Variants in ELFN1 observed in about 807,000 individuals in gnomAD.
ELFN1 encodes extracellular leucine rich repeat and fibronectin type III domain containing 1.
In ELFN1, 6 loss-of-function variants were observed where a neutral mutation model predicts 7.6. The observed-to-expected ratio is 0.79, with a 90% CI of 0.43 to 1.56. ELFN1 has a LOEUF of 1.56. Among genes scored for constraint, ELFN1 ranks in the 40% most tolerant of loss-of-function variants. The pLI, the probability that ELFN1 is intolerant of heterozygous loss-of-function variation, is 0.01. For synonymous variants in ELFN1, 657 were observed against 588.1 expected (o/e 1.12, Z -1.70); for missense variants, 1,169 against 1,232.2 (o/e 0.95, Z 0.77).
chr7:1,744,254 G>T (rs1583407151), intron 3 of ELFN1, 50 bp from the exon 4 acceptor site: 1 of 120,478 alleles, frequency 8.3e-6, no homozygotes, highest in Non-Finnish European at 1.5e-5. Flanking sequence ...TCCCCTGACC[G>T]CTGTCTTCTC....
rs1779269957 is a variant in ELFN1 at position 1,695,013 on chromosome 7, C to T, written c.-456+6863C>T. Among the ~76,000 whole-genome samples the T allele has an allele frequency of 6.6e-6, 1 of 152,242 alleles. No homozygotes were observed. The highest frequency in any genetic ancestry group is 6.5e-5 in the Admixed American group (1 of 15,286). On this transcript the variant is annotated intron_variant, in intron 2 of 3. Coordinates refer to ENST00000424383, the MANE Select transcript of ELFN1 (RefSeq NM_001128636.4). The surrounding 1 kb of genome is among the most constrained non-coding windows in gnomAD (Gnocchi z 5.1). ...TCCCTGCCCTCCCTGTTGAGTGCTG[C>T]AGAGGGGCGTCGGGCGTCGTGCACA... is the stretch of plus-strand genomic sequence containing the variant.
chr7:1,732,917 T>A (rs964620828), intron 3 of ELFN1, among the ~76,000 whole-genome samples: 1 of 152,128 alleles, frequency 6.6e-6, no homozygotes, highest in Non-Finnish European at 1.5e-5. Flanking sequence ...TTTTTCTTTT[T>A]TGAGACAGAA....
intron 2 of ELFN1, among the ~76,000 whole-genome samples, chr7:1,700,124 T>A (rs1261614949): frequency 2.0e-5 from 3 of 152,236 alleles, no homozygotes; most frequent in Non-Finnish European, 4.4e-5. Context: ...TGGTAGGTTC[T>A]CAGAAGTGGG....
chr7:1,744,262 CTCTCT>C, intron 3 of ELFN1, 37 bp from the exon 4 acceptor site: 1 of 130,212 alleles, frequency 7.7e-6, no homozygotes. Flanking sequence ...CCGCTGTCTT[CTCTCT>C]TGTCCCCTGA....
intron 2 of ELFN1, among the ~76,000 whole-genome samples, chr7:1,690,890 A>G (rs1487918737): frequency 6.6e-6 from 1 of 152,086 alleles, no homozygotes; most frequent in Non-Finnish European, 1.5e-5. Context: ...TGATGAATGG[A>G]TGAATGGATG....
chr7:1,713,206 C>G (rs1395935698), intron 3 of ELFN1, among the ~76,000 whole-genome samples: 1 of 152,250 alleles, frequency 6.6e-6, no homozygotes, highest in Non-Finnish European at 1.5e-5. Flanking sequence ...AGGCTGCAGA[C>G]TCTGTGCTGT....
chr7:1,670,777 G>A lies in ELFN1; in HGVS notation c.-549+423G>A, dbSNP rs1419723462. 1.3e-5 allele frequency among the ~76,000 whole-genome samples: 2 copies of A among 152,120 alleles called. No individual in the cohort carries two copies. The highest frequency in any genetic ancestry group is 2.9e-5 in the Non-Finnish European group (2 of 68,026). Reference sequence around the variant, plus strand: ...GGGGCTGTCCTCACCTCCTGGCCGAGTCGCTGACCCCTCCCCAGGCTCGCA... The same window carrying A: ...GGGGCTGTCCTCACCTCCTGGCCGAATCGCTGACCCCTCCCCAGGCTCGCA... On this transcript the variant is annotated intron_variant, in intron 1 of 3. Coordinates refer to ENST00000424383, the MANE Select transcript of ELFN1 (RefSeq NM_001128636.4). This position sits in a 1 kb window ranked among gnomAD's most constrained non-coding sequence, Gnocchi z 6.4.
At chr7:1,690,708 A>G (rs1169262202) in intron 2 of ELFN1, among the ~76,000 whole-genome samples, 3 of 137,618 alleles carry the variant, frequency 2.2e-5, no homozygotes, top group East Asian at 2.4e-4. Context: ...ATGGATGATG[A>G]ATGGATGGAT....
rs913836792 is a variant in ELFN1 at position 1,711,011 on chromosome 7, C to A, written c.-294+1759C>A. ...CCCCAGCCTGGAGTTCCCTGCGGCA[C>A]AGTGGGCTGCCCCGCCTGAGCCAGG... is the stretch of plus-strand genomic sequence containing the variant. On this transcript the variant is annotated intron_variant, in intron 3 of 3. Transcript: ENST00000424383. Among the ~76,000 whole-genome samples, 7 of 152,334 alleles carry A rather than the reference C, an allele frequency of 4.6e-5. No individual in the cohort carries two copies. In the East Asian group the frequency reaches 9.7e-4, roughly 21 times the overall value.
At chr7:1,667,477 G>A (rs1778688297), upstream of ELFN1, among the ~76,000 whole-genome samples, 1 of 152,162 alleles carries the variant, frequency 6.6e-6, no homozygotes, top group Non-Finnish European at 1.5e-5. The surrounding 1 kb of genome is among the most constrained non-coding windows in gnomAD (Gnocchi z 8.2). Context: ...GGAGGAAGCA[G>A]CGTCCCGGCG....
At chr7:1,742,784 T>C (rs1052630183) in intron 3 of ELFN1, among the ~76,000 whole-genome samples, 1 of 152,210 alleles carries the variant, frequency 6.6e-6, no homozygotes, top group African/African-American at 2.4e-5. Flanking sequence ...AAATAGACTC[T>C]TCTCCAGGAG....
chr7:1,718,367 G>T (rs1448607929), intron 3 of ELFN1, among the ~76,000 whole-genome samples: 1 of 152,210 alleles, frequency 6.6e-6, no homozygotes, highest in East Asian at 1.9e-4. Flanking sequence ...TGGGGCCGCA[G>T]TACCTTGTGG....
At position 1,746,019 on chromosome 7, in the gene ELFN1, C is replaced by G. The variant is rs980371448; in HGVS notation, c.1423C>G (p.Leu475Val). The change falls in exon 4 of 4, where the codon CTG becomes GTG. Residue 475 changes from leucine (L) to valine (V), a missense_variant. Physicochemically the swap from Leu to Val is conservative, Grantham distance 32 (BLOSUM62 1). Coordinates refer to ENST00000424383, the MANE Select transcript of ELFN1 (RefSeq NM_001128636.4). ...CATCGAGCTCAAGTACGGGCCAGAG[C>G]TGGAGGCGCCCGGCCTGGCCCCGCT... Reference protein sequence around the residue: ...TIIELKYGPELEAPGLAPLSQ... With the variant: ...TIIELKYGPEVEAPGLAPLSQ... 238 of 1,544,392 alleles carry G rather than the reference C, an allele frequency of 1.5e-4. No individual in the cohort carries two copies. The highest frequency in any genetic ancestry group is 1.9e-4 in the Non-Finnish European group (213 of 1,143,198).
rs561021019 is a variant in ELFN1, at chr7:1,694,353, G to A, written c.-456+6203G>A. The A allele has an allele frequency of 5.0e-5, 8 of 160,684 alleles. No homozygotes were observed. In the East Asian group the frequency reaches 1.1e-3, roughly 21 times the overall value. The allele number at this position is 160,684 out of a possible 1,614,324, so 10.0% of individuals were successfully genotyped here. ...AGACCTTTGCTGCGAGACCCAGGCC[G>A]GCCCAGCCCAGCGCCTCCCATCCTC... On this transcript the variant is annotated intron_variant, in intron 2 of 3. Coordinates refer to ENST00000424383, the MANE Select transcript of ELFN1 (RefSeq NM_001128636.4).
chr7:1,723,961 A>C (rs1780103429), intron 3 of ELFN1, among the ~76,000 whole-genome samples: 1 of 152,160 alleles, frequency 6.6e-6, no homozygotes, highest in Admixed American at 6.5e-5. Context: ...TTCACCCGGA[A>C]ACATGCCCAC....
At chr7:1,727,863 C>G (rs1474137497) in intron 3 of ELFN1, among the ~76,000 whole-genome samples, 1 of 152,164 alleles carries the variant, frequency 6.6e-6, no homozygotes, top group Non-Finnish European at 1.5e-5. Context: ...CCACCTTGCC[C>G]TCCCAAAGCT....
In ELFN1 at chr7:1,734,051, C is replaced by T. The variant is rs118126874; in HGVS notation, c.-293-10253C>T. Among the ~76,000 whole-genome samples, 388 of 152,360 alleles carry T rather than the reference C, an allele frequency of 2.5e-3. 1 individual carries two copies. The highest frequency in any genetic ancestry group is 6.8e-3 in the Middle Eastern group (2 of 294). On this transcript the variant is annotated intron_variant, in intron 3 of 3. Transcript: ENST00000424383. ...CTACTAGGAAGAGAAGAACCAGCAC[C>T]TGTCTGCCTTCAGTCTCAAACCAGC...
chr7:1,745,203 C>G lies in ELFN1; in HGVS notation c.607C>G (p.Arg203Gly). The change falls in exon 4 of 4, where the codon CGC (arginine) becomes GGC (glycine). Residue 203 changes from arginine (R) to glycine (G), a missense_variant. Around this residue, in one of 2 missense-constraint regions of ELFN1, gnomAD observed 255 missense variants for 359.6 expected, o/e 0.71. Coordinates refer to ENST00000424383, the MANE Select transcript of ELFN1 (RefSeq NM_001128636.4). ...CTCCTGCGAGCTGCTGGGCTTCCTG[C>G]GCTGGCTGGCCGCCTTCACCAACGC... ...YCSCELLGFL[R>G]WLAAFTNATQ... 2 of 1,544,602 alleles carry G rather than the reference C, an allele frequency of 1.3e-6. No homozygotes were observed. The highest frequency in any genetic ancestry group is 1.7e-6 in the Non-Finnish European group (2 of 1,146,920).
At chr7:1,693,137 C>CT in intron 2 of ELFN1, 1 of 348,992 alleles carries the variant, frequency 2.9e-6, no homozygotes, top group South Asian at 2.2e-5. Flanking sequence ...CAGGAAGTGA[C>CT]TGCCCATGCA....
Sources: gnomAD v4.1 joint callset for allele counts (sites outside exome capture counted in the v4.1 genomes callset) on GRCh38, gnomAD v4.1.1 for gene constraint, gnomAD v4.1.1 regional missense constraint, Gnocchi (gnomAD v3.1) non-coding constraint, MANE v1.5 for transcripts, NCBI Gene and HGNC (gene_info 2026-07-23, HGNC 2026-07-21) for gene names.